Variants in SBK1 observed in about 807,000 individuals in gnomAD.
SBK1 encodes serine/threonine-protein kinase SBK1.
Under a neutral mutation model 24.4 loss-of-function variants are expected in SBK1, and 11 were observed. That is an observed-to-expected ratio of 0.45 (90% CI 0.28 to 0.75). The LOEUF (loss-of-function observed/expected upper bound fraction) is 0.75, where lower values mean the gene tolerates loss of function less well. Among genes scored for constraint, SBK1 ranks in the 30% least tolerant of loss-of-function variants. SBK1 has a pLI of 0.12. For synonymous variants in SBK1, 308 were observed against 284.4 expected, an observed-to-expected ratio of 1.08 and a Z score of -0.83; for missense variants, 467 against 620.5, an observed-to-expected ratio of 0.75 and a Z score of 2.63.
intron 1 of SBK1, chr16:28,287,145 A>G (rs1031818753): frequency 6.7e-6 from 1 of 150,292 alleles, no homozygotes; most frequent in Non-Finnish European, 1.5e-5. Context: ...AAATTAAATT[A>G]AAAAAAGAAA....
At chr16:28,282,462 T>C (rs1320836730) in intron 1 of SBK1, among the ~76,000 whole-genome samples, 1 of 152,102 alleles carries the variant, frequency 6.6e-6, no homozygotes, top group Non-Finnish European at 1.5e-5. Context: ...CCCCGAACTT[T>C]GTGTCTCCTC....
chr16:28,307,559 G>A lies in SBK1; in HGVS notation c.-7-9826G>A, dbSNP rs374892024. Reference sequence around the variant, plus strand: ...GTTAGAGACCAGCCTGGCCAGCATGGTGAAACCTCATCTCTACTAAAAATA... The same window carrying A: ...GTTAGAGACCAGCCTGGCCAGCATGATGAAACCTCATCTCTACTAAAAATA... On this transcript the variant is annotated intron_variant, in intron 1 of 3. Coordinates refer to ENST00000341901, the MANE Select transcript of SBK1 (RefSeq NM_001024401.3). Among the ~76,000 whole-genome samples, 9 of 152,154 alleles carry A rather than the reference G, an allele frequency of 5.9e-5. No individual in the cohort carries two copies. The East Asian group carries it at 7.7e-4, about 13-fold the overall frequency.
chr16:28,316,596 C>A (rs1166294556), intron 1 of SBK1, among the ~76,000 whole-genome samples: 4 of 151,278 alleles, frequency 2.6e-5, no homozygotes, highest in African/African-American at 9.7e-5. Context: ...GAGATGCCAA[C>A]TCTACAAAAA....
intron 1 of SBK1, among the ~76,000 whole-genome samples, chr16:28,298,362 C>A (rs572742019): frequency 6.6e-6 from 1 of 152,186 alleles, no homozygotes. Flanking sequence ...TCTCATTTAG[C>A]CCTGAGGACA....
intron 1 of SBK1, among the ~76,000 whole-genome samples, chr16:28,281,727 T>C (rs915215028): frequency 7.9e-5 from 12 of 152,136 alleles, no homozygotes; most frequent in Non-Finnish European, 1.8e-4. Context: ...AATGAGCTCA[T>C]TTGTGTAAAA....
chr16:28,284,377 T>A (rs2044552281), intron 1 of SBK1, among the ~76,000 whole-genome samples: 1 of 152,230 alleles, frequency 6.6e-6, no homozygotes, highest in Non-Finnish European at 1.5e-5. Context: ...TCCTGCCTCC[T>A]TCTGGGAAGT....
At chr16:28,267,515 T>C (rs28680937) in intron 1 of SBK1, among the ~76,000 whole-genome samples, 147,406 of 152,322 alleles carry the variant, frequency 0.97, 71,466 homozygotes, top group East Asian at 1. Flanking sequence ...AACATGTTCA[T>C]GGCTAATGGA....
chr16:28,306,051 G>C (rs2044714346), intron 1 of SBK1, among the ~76,000 whole-genome samples: 1 of 152,120 alleles, frequency 6.6e-6, no homozygotes, highest in Non-Finnish European at 1.5e-5. Context: ...GGGAGGGCCT[G>C]GCCAATAAGC....
At chr16:28,290,743 A>G (rs1459737717), upstream of SBK1, 1 of 152,186 alleles carries the variant, frequency 6.6e-6, no homozygotes, top group Non-Finnish European at 1.5e-5. Context: ...AAAAGAAAAG[A>G]GAAAAAAGAC....
At chr16:28,296,041 T>G (rs993829203) in intron 1 of SBK1, among the ~76,000 whole-genome samples, 31 of 146,600 alleles carry the variant, frequency 2.1e-4, no homozygotes, top group Admixed American at 5.5e-4. Context: ...TTCTCCTGAC[T>G]CAGTCTCCTG....
intron 1 of SBK1, among the ~76,000 whole-genome samples, chr16:28,284,488 T>A (rs1384503958): frequency 6.6e-6 from 1 of 152,212 alleles, no homozygotes; most frequent in East Asian, 1.9e-4. Context: ...GGCAATGGCC[T>A]CGTCCCAGTC....
chr16:28,282,146 G>C (rs558780882), intron 1 of SBK1, among the ~76,000 whole-genome samples: 1 of 152,072 alleles, frequency 6.6e-6, no homozygotes, highest in South Asian at 2.1e-4. Flanking sequence ...CTATTTGGAG[G>C]GAGGGGCTTA....
At chr16:28,279,931 T>C (rs1341976605) in intron 1 of SBK1, among the ~76,000 whole-genome samples, 1 of 151,398 alleles carries the variant, frequency 6.6e-6, no homozygotes, top group Non-Finnish European at 1.5e-5. Context: ...CTGCCAGAGA[T>C]TGCCATGGTT....
At chr16:28,287,381 G>C (rs1367982595) in intron 1 of SBK1, among the ~76,000 whole-genome samples, 1 of 150,874 alleles carries the variant, frequency 6.6e-6, no homozygotes, top group Admixed American at 6.6e-5. Flanking sequence ...CCTGGGAGGC[G>C]GAGGCTGCAG....
In SBK1 at chr16:28,313,282, G is replaced by A. The variant is rs536907192; in HGVS notation, c.-7-4103G>A. 1.2e-4 allele frequency among the ~76,000 whole-genome samples: 18 copies of A among 152,080 alleles called. 1 individual carries two copies. Among genetic ancestry groups the A allele is most frequent in the South Asian group, 4.2e-4 (2 of 4,810 alleles). ...TGCACTCCAGCCTGGGCAACAGAGC[G>A]AGACCCTGTTTAAAAAAAATTTAAT... is the stretch of plus-strand genomic sequence containing the variant. On this transcript the variant is annotated intron_variant, in intron 1 of 3. Coordinates refer to ENST00000341901, the MANE Select transcript of SBK1 (RefSeq NM_001024401.3).
chr16:28,280,157 G>A (rs1261839379), intron 1 of SBK1, among the ~76,000 whole-genome samples: 70 of 94,520 alleles, frequency 7.4e-4, no homozygotes, highest in Middle Eastern at 5.2e-3. Context: ...ATATGTGTGT[G>A]TGTGTGTGTG....
At chr16:28,268,283 A>G (rs146173105) in intron 1 of SBK1, among the ~76,000 whole-genome samples, 1 of 152,086 alleles carries the variant, frequency 6.6e-6, no homozygotes, top group East Asian at 1.9e-4. Context: ...CACCCTGTCA[A>G]CTAGGCTGGA....
chr16:28,287,836 G>A (rs972439887), upstream of SBK1, among the ~76,000 whole-genome samples: 1 of 152,056 alleles, frequency 6.6e-6, no homozygotes, highest in African/African-American at 2.4e-5. Flanking sequence ...GCTAATTTTT[G>A]TATTTTTAGT....
intron 1 of SBK1, among the ~76,000 whole-genome samples, chr16:28,297,141 C>T (rs1367498069): frequency 6.6e-6 from 1 of 151,716 alleles, no homozygotes; most frequent in African/African-American, 2.4e-5. Context: ...ACCAGCCTGG[C>T]CAACATGGTG....
Sources: gnomAD v4.1 joint callset for allele counts (sites outside exome capture counted in the v4.1 genomes callset) on GRCh38, gnomAD v4.1.1 for gene constraint, MANE v1.5 for transcripts, NCBI Gene and HGNC (gene_info 2026-07-23, HGNC 2026-07-21) for gene names.